PLS1: variants seen among roughly 807,000 people sequenced by gnomAD.
PLS1 encodes plastin-1.
A neutral mutation model predicts 73.7 loss-of-function variants in PLS1; 32 were observed. That is an observed-to-expected ratio of 0.43 (90% CI 0.33 to 0.58). The LOEUF is 0.58. PLS1 is among the 20% of genes least tolerant of loss of function. PLS1 has a pLI of 0.04. For synonymous variants in PLS1, 217 were observed against 261.3 expected, an observed-to-expected ratio of 0.83 and a Z score of 1.63; for missense variants, 633 against 740.5, an observed-to-expected ratio of 0.85 and a Z score of 1.68.
chr3:142,679,383 C>T (rs1262312760), intron 6 of PLS1, among the ~76,000 whole-genome samples: 1,624 of 150,214 alleles, frequency 0.011, 29 homozygotes, highest in African/African-American at 0.038. Flanking sequence ...CCTAGGTTTT[C>T]TTCTAGGGTT....
intron 2 of PLS1, among the ~76,000 whole-genome samples, chr3:142,666,808 G>T (rs1038975515): frequency 6.6e-6 from 1 of 152,140 alleles, no homozygotes; most frequent in African/African-American, 2.4e-5. Flanking sequence ...ACCAACACTT[G>T]TTTTCTGTTC....
At chr3:142,619,584 T>C (rs1453297540) in intron 1 of PLS1, 1 of 152,232 alleles carries the variant, frequency 6.6e-6, no homozygotes, top group East Asian at 1.9e-4. Flanking sequence ...TCTAAGATGT[T>C]TTCCTCCATA....
At chr3:142,625,720 A>T (rs868551707) in intron 1 of PLS1, among the ~76,000 whole-genome samples, 19 of 152,272 alleles carry the variant, frequency 1.2e-4, no homozygotes, top group Admixed American at 2.6e-4. Flanking sequence ...CATTCCTATA[A>T]TCCCAGCACT....
intron 10 of PLS1, among the ~76,000 whole-genome samples, chr3:142,693,478 A>G (rs1447264472): frequency 6.6e-6 from 1 of 152,230 alleles, no homozygotes; most frequent in African/African-American, 2.4e-5. Flanking sequence ...GAACTTGCCT[A>G]TAACTTAGAA....
At chr3:142,598,020 TC>T (rs2035842762) in intron 1 of PLS1, among the ~76,000 whole-genome samples, 1 of 152,142 alleles carries the variant, frequency 6.6e-6, no homozygotes, top group African/African-American at 2.4e-5. Flanking sequence ...CCTGTTTGCC[TC>T]CCTCTTTCCG....
chr3:142,626,625 G>A (rs746526827), intron 1 of PLS1, among the ~76,000 whole-genome samples: 5 of 151,912 alleles, frequency 3.3e-5, no homozygotes, highest in East Asian at 3.9e-4. Context: ...ATATAATCTC[G>A]ATAATTGTGA....
chr3:142,682,604 A>G (rs1269081524), intron 6 of PLS1, among the ~76,000 whole-genome samples: 2 of 152,180 alleles, frequency 1.3e-5, no homozygotes, highest in African/African-American at 4.8e-5. Context: ...TATTGGCTTA[A>G]TTTTCAGTCC....
chr3:142,602,321 C>G (rs1169437375), intron 1 of PLS1, among the ~76,000 whole-genome samples: 4 of 152,146 alleles, frequency 2.6e-5, no homozygotes, highest in South Asian at 2.1e-4. Context: ...GGAAGCTCAC[C>G]TTGTGTAGGA....
intron 15 of PLS1, 114 bp from the exon 16 acceptor site, chr3:142,711,758 C>G: frequency 1.5e-6 from 2 of 1,364,258 alleles, no homozygotes; most frequent in Non-Finnish European, 2.0e-6. Flanking sequence ...TTAAGACTCA[C>G]AAACTTAACC....
intron 1 of PLS1, among the ~76,000 whole-genome samples, chr3:142,660,637 T>C (rs2037350312): frequency 6.6e-6 from 1 of 152,146 alleles, no homozygotes; most frequent in South Asian, 2.1e-4. Context: ...AGTTGAAAAA[T>C]TCTAAGTCAA....
At chr3:142,698,334 T>G in intron 12 of PLS1, 1 of 276,710 alleles carries the variant, frequency 3.6e-6, no homozygotes, top group South Asian at 6.6e-5. Flanking sequence ...TGTATTCTTT[T>G]TTTACAATTG....
intron 1 of PLS1, among the ~76,000 whole-genome samples, chr3:142,650,751 C>T (rs1176490737): frequency 6.6e-6 from 1 of 152,198 alleles, no homozygotes; most frequent in Non-Finnish European, 1.5e-5. Context: ...GAGGAAATTA[C>T]ACTCGAAGTG....
rs754603000 is a variant in PLS1, at chr3:142,711,868, C to T, written c.1755-4C>T. 1 of 1,613,280 alleles carries T rather than the reference C, an allele frequency of 6.2e-7. No homozygotes were observed. Among genetic ancestry groups the T allele is most frequent in the Non-Finnish European group, 8.5e-7 (1 of 1,179,352 alleles). On this transcript the variant is annotated splice_region_variant and splice_polypyrimidine_tract_variant and intron_variant, in intron 15 of 15. Transcript: ENST00000457734. ...CACCAAGATATTTTTCTTGTCTCTT[C>T]AAGATACGCCATTTCAGTTGCTCGA...
chr3:142,641,209 A>G (rs1442487383), intron 1 of PLS1, among the ~76,000 whole-genome samples: 1 of 145,226 alleles, frequency 6.9e-6, no homozygotes, highest in African/African-American at 2.5e-5. Context: ...TATTATATCT[A>G]TATTATATAT....
chr3:142,653,082 A>G (rs1671403351), intron 1 of PLS1, among the ~76,000 whole-genome samples: 1 of 152,122 alleles, frequency 6.6e-6, no homozygotes, highest in Non-Finnish European at 1.5e-5. Context: ...ATGTTTTTAC[A>G]TTGTTATTCT....
rs755189127 is a variant in PLS1, at chr3:142,669,479, G to A, written c.160G>A (p.Glu54Lys). The A allele has an allele frequency of 1.2e-6, 2 of 1,613,620 alleles. No individual in the cohort carries two copies. The highest frequency in any genetic ancestry group is 1.7e-4 in the Middle Eastern group (1 of 6,058). The change falls in exon 3 of 16, where the codon GAG becomes AAG. Residue 54 changes from glutamate (E) to lysine (K), a missense_variant. By Grantham distance (56) the Glu-to-Lys change is moderately conservative (BLOSUM62 1). Coordinates refer to ENST00000457734, the MANE Select transcript of PLS1 (RefSeq NM_001145319.2). Reference sequence around the variant, plus strand: ...TCCTCTGCCTGGCTACAAGGTGCGCGAGATTGTGGAGAAAATTCTATCAGT... The same window carrying A: ...TCCTCTGCCTGGCTACAAGGTGCGCAAGATTGTGGAGAAAATTCTATCAGT... Reference protein sequence around the residue: ...SLPLPGYKVREIVEKILSVAD... With the variant: ...SLPLPGYKVRKIVEKILSVAD...
At chr3:142,675,042 AT>A (rs2037691648) in intron 4 of PLS1, among the ~76,000 whole-genome samples, 1 of 151,924 alleles carries the variant, frequency 6.6e-6, no homozygotes, top group African/African-American at 2.4e-5. Context: ...ATTTGTGTCA[AT>A]TTTTTAATAG....
At chr3:142,697,052 A>G (rs1384422060) in intron 11 of PLS1, among the ~76,000 whole-genome samples, 5 of 152,164 alleles carry the variant, frequency 3.3e-5, no homozygotes, top group Non-Finnish European at 5.9e-5. Context: ...AAGCTGTTGG[A>G]GGAGAAAAGC....
chr3:142,662,597 A>G (rs1374758399), intron 1 of PLS1, among the ~76,000 whole-genome samples: 1 of 152,240 alleles, frequency 6.6e-6, no homozygotes, highest in East Asian at 1.9e-4. Flanking sequence ...ATTGCTAGAT[A>G]TCAGAAGTCT....
Sources: allele counts gnomAD v4.1 joint callset (sites outside exome capture counted in the v4.1 genomes callset), GRCh38; gene constraint gnomAD v4.1.1; transcripts MANE v1.5; gene names NCBI Gene and HGNC (gene_info 2026-07-23, HGNC 2026-07-21).